Variants in IQCK observed in about 807,000 individuals in gnomAD.
IQCK encodes the protein IQ motif containing K, also known as IQ domain-containing protein K.
In IQCK, 29 loss-of-function variants were observed where a neutral mutation model predicts 28.1. The ratio of observed to expected loss-of-function variants is 1.03; its 90% CI spans 0.77 to 1.41. The LOEUF (loss-of-function observed/expected upper bound fraction) is 1.41, where lower values mean the gene tolerates loss of function less well. Ranked by LOEUF, IQCK falls within the 40% of genes most tolerant of loss-of-function variation. IQCK has a pLI of 0.00. For synonymous variants in IQCK, 113 were observed against 115.1 expected, an observed-to-expected ratio of 0.98 and a Z score of 0.12; for missense variants, 359 against 314.7, an observed-to-expected ratio of 1.14 and a Z score of -1.07.
chr16:19,855,285 C>T (rs929081996), intron 9 of IQCK, among the ~76,000 whole-genome samples: 33 of 152,114 alleles, frequency 2.2e-4, no homozygotes, highest in African/African-American at 8.0e-4. Flanking sequence ...GCCCTCATCC[C>T]ACCTCCATCA....
intron 9 of IQCK, among the ~76,000 whole-genome samples, chr16:19,845,283 G>A (rs1456122241): frequency 6.6e-6 from 1 of 152,174 alleles, no homozygotes; most frequent in Non-Finnish European, 1.5e-5. Flanking sequence ...TAAACTGGAG[G>A]GTTTGTCTCT....
intron 9 of IQCK, among the ~76,000 whole-genome samples, chr16:19,836,775 G>C (rs1244208760): frequency 6.6e-6 from 1 of 152,162 alleles, no homozygotes; most frequent in Non-Finnish European, 1.5e-5. Flanking sequence ...GCCTCCCAAA[G>C]TGCTGAGATT....
Position 19,781,362 on chromosome 16 carries a change from A to G in IQCK, c.606-7476A>G, listed in dbSNP as rs139420696. Among the ~76,000 whole-genome samples the G allele has an allele frequency of 4.7e-3, 715 of 152,222 alleles. 5 individuals carry two copies. Among genetic ancestry groups the G allele is most frequent in the African/African-American group, 0.017 (698 of 41,534 alleles). On this transcript the variant is annotated intron_variant, in intron 6 of 7. Transcript: ENST00000564186. Reference sequence around the variant, plus strand: ...GACACGTATGCAGCTTCAGTGATGGAGTTGGTTAAATGGGACTCAGCTCTG... The same window carrying G: ...GACACGTATGCAGCTTCAGTGATGGGGTTGGTTAAATGGGACTCAGCTCTG...
At chr16:19,781,654 T>C (rs1455134922) in intron 6 of IQCK, among the ~76,000 whole-genome samples, 2 of 152,248 alleles carry the variant, frequency 1.3e-5, no homozygotes, top group East Asian at 3.8e-4. Flanking sequence ...AGATAACCTC[T>C]GTTGTACTTT....
chr16:19,777,403 G>C (rs1053181387), intron 6 of IQCK, among the ~76,000 whole-genome samples: 4 of 152,108 alleles, frequency 2.6e-5, no homozygotes, highest in African/African-American at 9.7e-5. Flanking sequence ...TCGTACTAAA[G>C]ATTATAATTA....
chr16:19,828,138 C>A (rs1010234046), downstream of IQCK, among the ~76,000 whole-genome samples: 4 of 151,880 alleles, frequency 2.6e-5, no homozygotes, highest in African/African-American at 9.7e-5. Flanking sequence ...GTCTTGAACT[C>A]CTGACCTCAA....
At chr16:19,784,877 T>A (rs1304210456) in intron 6 of IQCK, among the ~76,000 whole-genome samples, 1 of 152,208 alleles carries the variant, frequency 6.6e-6, no homozygotes, top group African/African-American at 2.4e-5. Context: ...CAAACAATTG[T>A]CCTGCCTCAC....
intron 4 of IQCK, chr16:19,761,702 G>C (rs1335184194): frequency 1.9e-5 from 5 of 259,158 alleles, no homozygotes; most frequent in South Asian, 1.7e-4. Context: ...CCATTGGCAG[G>C]CTCAGCTTAT....
At chr16:19,729,494 TC>T (rs2151678791) in intron 1 of IQCK, among the ~76,000 whole-genome samples, 1 of 151,834 alleles carries the variant, frequency 6.6e-6, no homozygotes, top group South Asian at 2.1e-4. Flanking sequence ...CTCCCTTAAT[TC>T]CTTATAGTTT....
At chr16:19,823,287 C>T (rs867128927) in intron 7 of IQCK, among the ~76,000 whole-genome samples, 5 of 152,088 alleles carry the variant, frequency 3.3e-5, no homozygotes, top group South Asian at 2.1e-4. Context: ...GGGGAGCAGC[C>T]GACCCCTTTA....
At chr16:19,824,149 C>A (rs2056112127) in intron 7 of IQCK, among the ~76,000 whole-genome samples, 1 of 152,110 alleles carries the variant, frequency 6.6e-6, no homozygotes, top group Non-Finnish European at 1.5e-5. Flanking sequence ...AATAATTATA[C>A]AACTCACCAT....
At chr16:19,828,893 ATTATATATAT>A (rs2056189505), downstream of IQCK, among the ~76,000 whole-genome samples, 1 of 140,294 alleles carries the variant, frequency 7.1e-6, no homozygotes, top group East Asian at 2.0e-4. Flanking sequence ...TAAAATATAT[ATTATATATAT>A]TTTTATATAT....
intron 4 of IQCK, among the ~76,000 whole-genome samples, chr16:19,750,159 C>T (rs565023351): frequency 3.3e-5 from 5 of 152,022 alleles, no homozygotes; most frequent in East Asian, 1.9e-4. Context: ...TGGAGTGTCG[C>T]GCCGTGGCCC....
intron 2 of IQCK, among the ~76,000 whole-genome samples, chr16:19,731,626 G>T (rs533923351): frequency 6.6e-6 from 1 of 152,084 alleles, no homozygotes; most frequent in African/African-American, 2.4e-5. Context: ...TTCTTGACCC[G>T]TATAAAGAGA....
chr16:19,753,742 A>G (rs954729697), intron 4 of IQCK, among the ~76,000 whole-genome samples: 2 of 151,550 alleles, frequency 1.3e-5, no homozygotes, highest in Admixed American at 6.6e-5. Flanking sequence ...TGATTCAGGA[A>G]CTCTGTGATA....
chr16:19,824,828 G>GT (rs2056124872), intron 7 of IQCK, among the ~76,000 whole-genome samples: 1 of 152,194 alleles, frequency 6.6e-6, no homozygotes, highest in Admixed American at 6.5e-5. Context: ...TGGAATTCCT[G>GT]TATCATCCAA....
At chr16:19,782,848 C>G (rs145646828) in intron 6 of IQCK, among the ~76,000 whole-genome samples, 1,527 of 152,286 alleles carry the variant, frequency 0.01, 20 homozygotes, top group African/African-American at 0.034. Flanking sequence ...TCTTCACGTC[C>G]TGCAAATCTT....
At chr16:19,822,081 A>C (rs1211462694) in intron 7 of IQCK, among the ~76,000 whole-genome samples, 10 of 145,182 alleles carry the variant, frequency 6.9e-5, no homozygotes, top group Middle Eastern at 3.6e-3. Context: ...AAAAAAAAAA[A>C]AACAAAAAAA....
At chr16:19,769,393 A>AT in intron 6 of IQCK, among the ~76,000 whole-genome samples, 1 of 152,234 alleles carries the variant, frequency 6.6e-6, no homozygotes. Flanking sequence ...GTGAAGATAC[A>AT]GTGATACAGC....
Sources: allele counts gnomAD v4.1 joint callset (sites outside exome capture counted in the v4.1 genomes callset), GRCh38; gene constraint gnomAD v4.1.1; transcripts MANE v1.5; gene names NCBI Gene and HGNC (gene_info 2026-07-23, HGNC 2026-07-21).